The following ATXN7 variants were observed in gnomAD, a reference collection of about 807,000 sequenced individuals.
The protein encoded by ATXN7 is ataxin 7, also known as ataxin-7.
In ATXN7, 12 loss-of-function variants were observed where a neutral mutation model predicts 70.5. The ratio of observed to expected loss-of-function variants is 0.17; its 90% CI spans 0.11 to 0.28. ATXN7 has a LOEUF of 0.28. Among genes scored for constraint, ATXN7 ranks in the 10% least tolerant of loss-of-function variants. ATXN7 has a pLI of 1.00. For missense variants in ATXN7, 1,256 were observed against 1,131.7 expected, an observed-to-expected ratio of 1.11 and a Z score of -1.58; for synonymous variants, 498 against 448.7, an observed-to-expected ratio of 1.11 and a Z score of -1.39.
intron 2 of ATXN7, among the ~76,000 whole-genome samples, chr3:63,899,617 T>C (rs1009575931): frequency 7.2e-5 from 11 of 151,988 alleles, no homozygotes; most frequent in African/African-American, 2.7e-4. Context: ...TAGAAATTTT[T>C]TTTTTCTTTT....
chr3:63,986,494 A>C (rs1208907455), intron 8 of ATXN7, among the ~76,000 whole-genome samples: 1 of 152,182 alleles, frequency 6.6e-6, no homozygotes, highest in East Asian at 1.9e-4. Flanking sequence ...TTGGAGAGAC[A>C]GGCAGGTGGA....
rs535954789 is a variant in ATXN7 at position 63,929,098 on chromosome 3, G to T, written c.394+15873G>T. On this transcript the variant is annotated intron_variant, in intron 4 of 12. Coordinates refer to ENST00000674280, the MANE Select transcript of ATXN7 (RefSeq NM_001377405.1). ...CAAATCCTAATGGTTAGTTGAGACA[G>T]GTGAAAACAATTCAGAAATTAAACA... Among the ~76,000 whole-genome samples, 4 of 152,164 alleles carry T rather than the reference G, an allele frequency of 2.6e-5. No individual in the cohort carries two copies. The South Asian group carries it at 8.3e-4, about 31-fold the overall frequency.
At chr3:63,874,019 C>T (rs1008867104) in intron 1 of ATXN7, among the ~76,000 whole-genome samples, 3 of 151,836 alleles carry the variant, frequency 2.0e-5, no homozygotes, top group Non-Finnish European at 4.4e-5. Context: ...TCTTAAACTC[C>T]CATCTTTAAA....
intron 4 of ATXN7, among the ~76,000 whole-genome samples, chr3:63,922,020 T>C (rs1369638515): frequency 2.0e-5 from 3 of 152,106 alleles, no homozygotes; most frequent in Non-Finnish European, 4.4e-5. Flanking sequence ...GCAGTTTTTT[T>C]CTTTTTCTTT....
rs1576012970 is a variant in ATXN7 at position 64,000,994 on chromosome 3, C to T, written c.*1527C>T. 6.6e-6 allele frequency: 1 copy of T among 151,948 alleles called. No homozygotes were observed. Among genetic ancestry groups the T allele is most frequent in the East Asian group, 1.9e-4 (1 of 5,142 alleles). The allele number at this position is 151,948 out of a possible 1,614,324, so 9.4% of individuals were successfully genotyped here. On this transcript the variant is annotated 3_prime_UTR_variant, in exon 13 of 13. Transcript: ENST00000674280. ...CGAACACAGGGTAAAATTTCCAAGG[C>T]GCTGATCGTTGCCCTGGCCAGGGCC...
At chr3:63,918,167 C>T (rs768581229) in intron 4 of ATXN7, among the ~76,000 whole-genome samples, 1 of 151,850 alleles carries the variant, frequency 6.6e-6, no homozygotes, top group Non-Finnish European at 1.5e-5. Flanking sequence ...CTGTAGGCAA[C>T]TAGAGTTCAA....
chr3:63,954,803 G>A (rs2075015220), intron 5 of ATXN7, among the ~76,000 whole-genome samples: 1 of 151,026 alleles, frequency 6.6e-6, no homozygotes, highest in Non-Finnish European at 1.5e-5. Flanking sequence ...CTGCCTCCTG[G>A]GTTCAAGCAA....
intron 8 of ATXN7, among the ~76,000 whole-genome samples, chr3:63,983,834 T>A (rs1298766907): frequency 6.6e-6 from 1 of 152,160 alleles, no homozygotes; most frequent in Non-Finnish European, 1.5e-5. Flanking sequence ...TGCATTTCTC[T>A]GGAGGGTGTC....
At chr3:63,935,419 A>G (rs2074641784) in intron 4 of ATXN7, among the ~76,000 whole-genome samples, 1 of 152,126 alleles carries the variant, frequency 6.6e-6, no homozygotes. Context: ...AATGGATTAT[A>G]ACATTTAAGG....
intron 5 of ATXN7, among the ~76,000 whole-genome samples, chr3:63,953,848 A>C (rs1193208079): frequency 6.6e-6 from 1 of 152,006 alleles, no homozygotes; most frequent in East Asian, 1.9e-4. Context: ...GGGTTTCACC[A>C]TGTTGGCCAG....
intron 4 of ATXN7, among the ~76,000 whole-genome samples, chr3:63,929,296 T>C (rs563928736): frequency 6.7e-6 from 1 of 148,522 alleles, no homozygotes; most frequent in South Asian, 2.1e-4. Context: ...TTGTTTGAGA[T>C]GGAGTCTCGC....
At chr3:63,997,130 C>T (rs1467259802) in intron 12 of ATXN7, among the ~76,000 whole-genome samples, 3 of 152,074 alleles carry the variant, frequency 2.0e-5, no homozygotes, top group Non-Finnish European at 4.4e-5. Context: ...TGGTGGTGCA[C>T]GCCTGTAATC....
At chr3:63,901,607 T>G (rs1703644470) in intron 2 of ATXN7, 1 of 152,028 alleles carries the variant, frequency 6.6e-6, no homozygotes, top group Non-Finnish European at 1.5e-5. Context: ...AAAACAAAAA[T>G]AGAGATAGGG....
At chr3:63,891,098 C>G (rs968272145) in intron 1 of ATXN7, among the ~76,000 whole-genome samples, 2 of 152,136 alleles carry the variant, frequency 1.3e-5, no homozygotes, top group Admixed American at 6.5e-5. Context: ...CAACCTCCAC[C>G]TCCCGGGTTC....
In ATXN7 at chr3:64,001,689, A is replaced by G. The variant is rs973299690; in HGVS notation, c.*2222A>G. On this transcript the variant is annotated 3_prime_UTR_variant, in exon 13 of 13. Coordinates refer to ENST00000674280, the MANE Select transcript of ATXN7 (RefSeq NM_001377405.1). Reference sequence around the variant, plus strand: ...TATTTCTCCCGGTAATACACAGAGCATCGGGATTAGGAAATTAGCCATTTT... The same window carrying G: ...TATTTCTCCCGGTAATACACAGAGCGTCGGGATTAGGAAATTAGCCATTTT... 3 of 152,232 alleles carry G rather than the reference A, an allele frequency of 2.0e-5. No individual in the cohort carries two copies. The highest frequency in any genetic ancestry group is 4.4e-5 in the Non-Finnish European group (3 of 68,046). The allele number at this position is 152,232 out of a possible 1,614,324, so 9.4% of individuals were successfully genotyped here.
At chr3:63,864,317 G>A (rs1702335000) in intron 1 of ATXN7, among the ~76,000 whole-genome samples, 159 bp downstream of exon 1, 1 of 151,932 alleles carries the variant, frequency 6.6e-6, no homozygotes, top group African/African-American at 2.4e-5. Context: ...CCTGGGGGGT[G>A]GGGAGGGTGA....
chr3:63,867,935 G>T (rs1434385048), intron 1 of ATXN7, among the ~76,000 whole-genome samples: 1 of 152,168 alleles, frequency 6.6e-6, no homozygotes, highest in African/African-American at 2.4e-5. Context: ...TTCAGACTTA[G>T]AGGTGTAAAA....
intron 8 of ATXN7, among the ~76,000 whole-genome samples, chr3:63,987,461 C>T (rs933331626): frequency 6.6e-6 from 1 of 152,156 alleles, no homozygotes; most frequent in African/African-American, 2.4e-5. Flanking sequence ...TTCTTCTCAG[C>T]CTCATCTTCT....
At chr3:63,928,450 A>G (rs575333380) in intron 4 of ATXN7, among the ~76,000 whole-genome samples, 1 of 152,256 alleles carries the variant, frequency 6.6e-6, no homozygotes, top group South Asian at 2.1e-4. Context: ...GTAATTGATA[A>G]CTTAAAAAAT....
Sources: gnomAD v4.1 joint callset for allele counts (sites outside exome capture counted in the v4.1 genomes callset) on GRCh38, gnomAD v4.1.1 for gene constraint, MANE v1.5 for transcripts, NCBI Gene and HGNC (gene_info 2026-07-23, HGNC 2026-07-21) for gene names.